Variants in SNX24 observed in about 807,000 individuals in gnomAD.
The protein encoded by SNX24 is sorting nexin 24.
In SNX24, 22 loss-of-function variants were observed where a neutral mutation model predicts 28.7. That is an observed-to-expected ratio of 0.77 (90% confidence interval 0.55 to 1.10). The LOEUF (loss-of-function observed/expected upper bound fraction) is 1.10. Ranked by LOEUF, SNX24 falls within the 50% of genes least tolerant of loss-of-function variation. The pLI is 0.00. For missense variants in SNX24, 221 were observed against 201.1 expected (o/e 1.10, Z -0.60); for synonymous variants, 69 against 71.5 (o/e 0.96, Z 0.18).
At chr5:122,998,004 C>A (rs1278949570) in intron 3 of SNX24, among the ~76,000 whole-genome samples, 3 of 151,952 alleles carry the variant, frequency 2.0e-5, no homozygotes, top group African/African-American at 7.3e-5. Flanking sequence ...TGTGATGACG[C>A]CTAGAACTTT....
rs141758177 is a variant in SNX24 at position 123,007,738 on chromosome 5, C to T, written c.499C>T (p.Gln167Ter). Residue 167 changes from glutamine (Q) to a stop codon, truncating the protein, a stop_gained, in exon 7 of 7, where the codon CAG (glutamine) becomes TAG (stop). Transcript: ENST00000261369. LOFTEE classifies it high-confidence loss of function. ...VLHGIFYPHL[Q>*]PR is the part of the protein sequence containing the mutation. The stretch of plus-strand genomic sequence containing the variant: ...CCATGGGATATTTTACCCTCATCTA[C>T]AGCCCAGGTAGAAATCCTACATGGC... The T allele has an allele frequency of 2.9e-5, 47 of 1,595,164 alleles. 1 individual carries two copies. Among genetic ancestry groups the T allele is most frequent in the Admixed American group, 3.5e-5 (2 of 56,920 alleles).
chr5:122,855,480 T>G (rs2150035751), intron 1 of SNX24, among the ~76,000 whole-genome samples: 1 of 152,288 alleles, frequency 6.6e-6, no homozygotes, highest in Middle Eastern at 3.4e-3. Flanking sequence ...CAGAAATTCT[T>G]CCAAAATTGG....
intron 1 of SNX24, among the ~76,000 whole-genome samples, chr5:122,874,773 G>A (rs963641710): frequency 6.6e-6 from 1 of 152,150 alleles, no homozygotes. Context: ...CAGGCCCCTG[G>A]CCCTACCACG....
intron 3 of SNX24, among the ~76,000 whole-genome samples, chr5:122,961,730 A>G (rs1760497033): frequency 1.3e-5 from 2 of 152,194 alleles, no homozygotes; most frequent in African/African-American, 4.8e-5. Context: ...TTGATCTGTT[A>G]ATAACTTAAA....
intron 1 of SNX24, among the ~76,000 whole-genome samples, chr5:122,872,548 C>T (rs1330767153): frequency 2.0e-5 from 3 of 151,986 alleles, no homozygotes; most frequent in Admixed American, 6.6e-5. Context: ...TGCTCAGGTC[C>T]CTGATATAAA....
At chr5:122,850,032 A>C (rs1401065076) in intron 1 of SNX24, among the ~76,000 whole-genome samples, 1 of 152,180 alleles carries the variant, frequency 6.6e-6, no homozygotes, top group Non-Finnish European at 1.5e-5. Flanking sequence ...TGAGAGCTAT[A>C]AGGGAGTGTG....
intron 3 of SNX24, among the ~76,000 whole-genome samples, chr5:122,963,572 G>A (rs1489128682): frequency 6.6e-6 from 1 of 152,136 alleles, no homozygotes; most frequent in Non-Finnish European, 1.5e-5. Context: ...CTCTCTTTCA[G>A]TACTGCAATC....
intron 1 of SNX24, among the ~76,000 whole-genome samples, chr5:122,888,744 A>T (rs1484553779): frequency 6.6e-6 from 1 of 152,164 alleles, no homozygotes; most frequent in Non-Finnish European, 1.5e-5. Context: ...CCCTAACACT[A>T]TTCCCTAGAA....
chr5:122,881,499 G>C (rs570689379), intron 1 of SNX24, among the ~76,000 whole-genome samples: 79 of 152,176 alleles, frequency 5.2e-4, no homozygotes, highest in Non-Finnish European at 9.6e-4. Flanking sequence ...GGATTCATAC[G>C]CACATTTAAG....
intron 5 of SNX24, among the ~76,000 whole-genome samples, chr5:123,019,254 CA>C (rs1380889282): frequency 6.6e-6 from 1 of 151,112 alleles, no homozygotes; most frequent in Non-Finnish European, 1.5e-5. Flanking sequence ...CAAAATTTTC[CA>C]TTACAAATAC....
chr5:122,872,898 C>T (rs1426264780), intron 1 of SNX24, among the ~76,000 whole-genome samples: 1 of 151,656 alleles, frequency 6.6e-6, no homozygotes, highest in Non-Finnish European at 1.5e-5. Context: ...ATTTTGACTC[C>T]TATCAGTGTT....
chr5:122,845,842 T>C lies in SNX24; in HGVS notation c.60+149T>C, dbSNP rs2150025137. On this transcript the variant is annotated intron_variant, in intron 1 of 6. Transcript: ENST00000261369. Reference sequence around the variant, plus strand: ...CGGCCCAGAGGAAGGGCTGCGCCCTTGGCGCGGTTGTCAAGGAAACGGGCG... The same window carrying C: ...CGGCCCAGAGGAAGGGCTGCGCCCTCGGCGCGGTTGTCAAGGAAACGGGCG... 9.3e-6 allele frequency: 4 copies of C among 430,078 alleles called. No homozygotes were observed. The East Asian group carries it at 1.6e-4, about 17-fold the overall frequency. 26.6% of individuals were successfully genotyped at this position (430,078 alleles called of 1,614,324 possible).
intron 1 of SNX24, among the ~76,000 whole-genome samples, chr5:122,883,574 A>G (rs1756570650): frequency 2.0e-5 from 3 of 152,188 alleles, no homozygotes; most frequent in African/African-American, 7.2e-5. Context: ...TAAGGTGTTA[A>G]TGTTACTATC....
intron 1 of SNX24, among the ~76,000 whole-genome samples, chr5:122,852,374 C>T (rs1443914308): frequency 6.6e-6 from 1 of 150,588 alleles, no homozygotes; most frequent in African/African-American, 2.4e-5. Flanking sequence ...CAGAGGGTTT[C>T]ACTCTGTCGC....
intron 2 of SNX24, 25 bp from the exon 3 acceptor site, chr5:122,946,030 T>C (rs1561637923): frequency 7.6e-7 from 1 of 1,314,822 alleles, no homozygotes; most frequent in Non-Finnish European, 1.1e-6. Flanking sequence ...TTTTTTCTTT[T>C]TCTTTTCCTA....
intron 3 of SNX24, among the ~76,000 whole-genome samples, chr5:122,992,312 A>G (rs1761888221): frequency 6.6e-6 from 1 of 152,192 alleles, no homozygotes; most frequent in Non-Finnish European, 1.5e-5. Flanking sequence ...TGTCATGTAC[A>G]GTGAGATACC....
chr5:122,940,664 C>T (rs918268231), intron 2 of SNX24, among the ~76,000 whole-genome samples: 39 of 152,174 alleles, frequency 2.6e-4, no homozygotes, highest in African/African-American at 9.4e-4. Flanking sequence ...CTCCGTCTCC[C>T]AGGTTCAAAC....
At chr5:122,864,726 C>T (rs531183562) in intron 1 of SNX24, among the ~76,000 whole-genome samples, 1 of 152,252 alleles carries the variant, frequency 6.6e-6, no homozygotes, top group South Asian at 2.1e-4. Context: ...CTATCAAGTG[C>T]GGGGTCTGCA....
chr5:123,028,801 T>G (rs1561750507), intron 5 of SNX24: 1 of 1,613,606 alleles, frequency 6.2e-7, no homozygotes, highest in Non-Finnish European at 8.5e-7. Context: ...AGTGGTGATG[T>G]CACCTCCTTG....
Sources: gnomAD v4.1 joint callset for allele counts (sites outside exome capture counted in the v4.1 genomes callset) on GRCh38, gnomAD v4.1.1 for gene constraint, MANE v1.5 for transcripts, NCBI Gene and HGNC (gene_info 2026-07-23, HGNC 2026-07-21) for gene names.